The following C2CD2 variants were observed in gnomAD, a reference collection of about 807,000 sequenced individuals.
The protein encoded by C2CD2 is C2 calcium dependent domain containing 2.
Under a neutral mutation model 74.3 loss-of-function variants are expected in C2CD2, and 43 were observed. The ratio of observed to expected loss-of-function variants is 0.58; its 90% CI spans 0.45 to 0.75. The LOEUF (loss-of-function observed/expected upper bound fraction) is 0.75, where lower values mean the gene tolerates loss of function less well. Ranked by LOEUF, C2CD2 falls within the 30% of genes least tolerant of loss-of-function variation. The pLI is 0.00. For missense variants in C2CD2, 801 were observed against 916.3 expected (o/e 0.87, Z 1.63); for synonymous variants, 422 against 390.7 (o/e 1.08, Z -0.94).
In C2CD2 at chr21:41,899,667, C is replaced by A. The variant is rs2064869545; in HGVS notation, c.1561-305G>T. On this transcript the variant is annotated intron_variant, in intron 12 of 13. Transcript: ENST00000380486. The surrounding 1 kb of genome is among the most constrained non-coding windows in gnomAD (Gnocchi z 4.4). ...CGGTGGGAGCGTTTGTGGCAAGCTG[C>A]AGAAATGAGATGCGAGAGAGAGAGC... Among the ~76,000 whole-genome samples, 1 of 152,052 alleles carries A rather than the reference C, an allele frequency of 6.6e-6. No individual in the cohort carries two copies. The highest frequency in any genetic ancestry group is 6.6e-5 in the Admixed American group (1 of 15,266).
chr21:41,922,476 CTTTTT>C (rs34651080), intron 2 of C2CD2, among the ~76,000 whole-genome samples: 1 of 139,428 alleles, frequency 7.2e-6, no homozygotes. Context: ...CCATAGGCAT[CTTTTT>C]TTTTTTTTTT....
rs769431246 is a variant in C2CD2, at chr21:41,918,078, G to T, written c.720+27C>A. The T allele has an allele frequency of 2.5e-6, 4 of 1,613,582 alleles. No individual in the cohort carries two copies. In the Admixed American group the frequency reaches 6.7e-5, roughly 27 times the overall value. On this transcript the variant is annotated intron_variant, in intron 5 of 13. Transcript: ENST00000380486. ...CCATGGTGCCTAACGGGGTTCAGAT[G>T]CACCCACAGCACCCAGATGAGTTTA...
chr21:41,953,028 G>A, intron 1 of C2CD2: 1 of 290,116 alleles, frequency 3.4e-6, no homozygotes, highest in Non-Finnish European at 6.4e-6. Flanking sequence ...GTAAGTGTCC[G>A]ATCGGGCACG....
Position 41,926,327 on chromosome 21 carries a change from CA to C in C2CD2, c.379-4243del. The C allele has an allele frequency of 3.2e-6, 1 of 310,550 alleles. No homozygotes were observed. The highest frequency in any genetic ancestry group is 4.7e-6 in the Non-Finnish European group (1 of 212,938). 19.2% of individuals were successfully genotyped at this position (310,550 alleles called of 1,614,324 possible). On this transcript the variant is annotated intron_variant, in intron 2 of 13. Coordinates refer to ENST00000380486, the MANE Select transcript of C2CD2 (RefSeq NM_015500.2). This position sits in a 1 kb window ranked among gnomAD's most constrained non-coding sequence, Gnocchi z 8.0. The stretch of plus-strand genomic sequence containing the variant: ...AACAGCTTCCTCTCTGTATAAGTGA[CA>C]GAGTGTTTTTCGGAGTGGGGGGCTA...
chr21:41,887,463 C>A lies in C2CD2; in HGVS notation c.*1661G>T, dbSNP rs2064697570. ...TCTCTAAAAAAGAAGAAAAAAAAAT[C>A]CTATAATTTTGGTTTTTATACAGGT... On this transcript the variant is annotated 3_prime_UTR_variant, in exon 14 of 14. Transcript: ENST00000380486. The A allele has an allele frequency of 6.6e-6, 1 of 151,440 alleles. No individual in the cohort carries two copies. Among genetic ancestry groups the A allele is most frequent in the African/African-American group, 2.4e-5 (1 of 41,178 alleles). The allele number at this position is 151,440 out of a possible 1,614,324, so 9.4% of individuals were successfully genotyped here.
At chr21:41,907,612 TA>T in intron 9 of C2CD2, 47 bp downstream of exon 9, 1 of 1,588,276 alleles carries the variant, frequency 6.3e-7, no homozygotes, top group Non-Finnish European at 8.6e-7. Flanking sequence ...GCTCCTTGGG[TA>T]AGTGCCCCAA....
chr21:41,926,319 A>C lies in C2CD2; in HGVS notation c.379-4234T>G. Reference sequence around the variant, plus strand: ...TCCAAATAAACAGCTTCCTCTCTGTATAAGTGACAGAGTGTTTTTCGGAGT... The same window carrying C: ...TCCAAATAAACAGCTTCCTCTCTGTCTAAGTGACAGAGTGTTTTTCGGAGT... On this transcript the variant is annotated intron_variant, in intron 2 of 13. Coordinates refer to ENST00000380486, the MANE Select transcript of C2CD2 (RefSeq NM_015500.2). The surrounding 1 kb of genome is among the most constrained non-coding windows in gnomAD (Gnocchi z 8.0). The C allele has an allele frequency of 3.8e-6, 1 of 265,552 alleles. No individual in the cohort carries two copies. Among genetic ancestry groups the C allele is most frequent in the African/African-American group, 2.3e-5 (1 of 43,764 alleles). The allele number at this position is 265,552 out of a possible 1,614,324, so 16.4% of individuals were successfully genotyped here. A position where few individuals can be genotyped will look rare whatever the true frequency, so the allele number is the denominator to read the frequency against.
At chr21:41,932,104 G>C (rs2065267783) in intron 2 of C2CD2, among the ~76,000 whole-genome samples, 1 of 145,450 alleles carries the variant, frequency 6.9e-6, no homozygotes, top group Non-Finnish European at 1.5e-5. Flanking sequence ...AGGGGCTAGA[G>C]GTCGCATTCA....
rs1031924686 is a variant in C2CD2, at chr21:41,926,903, G to T, written c.379-4818C>A. Among the ~76,000 whole-genome samples the T allele has an allele frequency of 4.6e-5, 7 of 152,158 alleles. No homozygotes were observed. Among genetic ancestry groups the T allele is most frequent in the Admixed American group, 4.6e-4 (7 of 15,276 alleles). ...TCACATTCTGTAACACCCAAGGAAA[G>T]AACTCCCAAATAAAAGGAAGGCAAA... On this transcript the variant is annotated intron_variant, in intron 2 of 13. Coordinates refer to ENST00000380486, the MANE Select transcript of C2CD2 (RefSeq NM_015500.2). This position sits in a 1 kb window ranked among gnomAD's most constrained non-coding sequence, Gnocchi z 8.0.
At chr21:41,936,648 G>C (rs2065309494) in intron 2 of C2CD2, among the ~76,000 whole-genome samples, 1 of 151,674 alleles carries the variant, frequency 6.6e-6, no homozygotes, top group African/African-American at 2.4e-5. Flanking sequence ...CTAATACATA[G>C]ATTTTTTCCC....
intron 13 of C2CD2, among the ~76,000 whole-genome samples, chr21:41,890,203 C>G (rs2064734223): frequency 6.6e-6 from 1 of 152,148 alleles, no homozygotes; most frequent in African/African-American, 2.4e-5. Flanking sequence ...AATTCCAGAT[C>G]CTATCATATT....
chr21:41,931,408 G>A (rs947624587), intron 2 of C2CD2, among the ~76,000 whole-genome samples: 10 of 143,302 alleles, frequency 7.0e-5, no homozygotes, highest in South Asian at 2.3e-4. Flanking sequence ...AGATAAGAGC[G>A]TCTTTTGAGA....
Position 41,892,106 on chromosome 21 carries a change from G to A in C2CD2, c.1871-2762C>T, listed in dbSNP as rs895518291. On this transcript the variant is annotated intron_variant, in intron 13 of 13. Coordinates refer to ENST00000380486, the MANE Select transcript of C2CD2 (RefSeq NM_015500.2). The surrounding 1 kb of genome is among the most constrained non-coding windows in gnomAD (Gnocchi z 4.6). ...TAAAATTAGATCATTGGGGTGGCCC[G>A]TGATCCAATATGCCTGCTGTCCTTA... Among the ~76,000 whole-genome samples, 6 of 152,142 alleles carry A rather than the reference G, an allele frequency of 3.9e-5. No individual in the cohort carries two copies. Among genetic ancestry groups the A allele is most frequent in the African/African-American group, 1.2e-4 (5 of 41,430 alleles).
intron 5 of C2CD2, among the ~76,000 whole-genome samples, chr21:41,917,247 T>C (rs2065102877): frequency 6.6e-6 from 1 of 152,334 alleles, no homozygotes; most frequent in Non-Finnish European, 1.5e-5. Flanking sequence ...AGACTCTACC[T>C]ACTGACAGCT....
Position 41,889,138 on chromosome 21 carries a change from C to G in C2CD2, c.2077G>C (p.Glu693Gln). ...GACCTCAGGCCCTACGTGCAGGGCT[C>G]CACGGGGGCACCGTTCATGGTGTTC... ...NKNTMNGAPV[E>Q]PCT The change falls in exon 14 of 14, where the codon GAG (glutamate) becomes CAG (glutamine). Residue 693 changes from glutamate (E) to glutamine (Q), a missense_variant. Physicochemically the swap from Glu to Gln is conservative, Grantham distance 29 (BLOSUM62 2). Coordinates refer to ENST00000380486, the MANE Select transcript of C2CD2 (RefSeq NM_015500.2). The G allele has an allele frequency of 6.2e-7, 1 of 1,612,174 alleles. No homozygotes were observed. The highest frequency in any genetic ancestry group is 8.5e-7 in the Non-Finnish European group (1 of 1,179,950).
intron 11 of C2CD2, among the ~76,000 whole-genome samples, chr21:41,902,467 T>C (rs2064910953): frequency 1.3e-5 from 2 of 152,178 alleles, no homozygotes; most frequent in Non-Finnish European, 1.5e-5. Context: ...GGTCCTTCCT[T>C]TTATCCCATT....
At chr21:41,915,467 C>T (rs1333358478) in intron 5 of C2CD2, among the ~76,000 whole-genome samples, 1 of 151,162 alleles carries the variant, frequency 6.6e-6, no homozygotes, top group East Asian at 1.9e-4. Context: ...GACAGAGTCT[C>T]GCTCTGTTGT....
intron 1 of C2CD2, among the ~76,000 whole-genome samples, chr21:41,947,141 C>CTCTCTCTCT (rs1569084407): frequency 2.0e-4 from 4 of 20,188 alleles, no homozygotes; most frequent in African/African-American, 9.1e-4. Flanking sequence ...TCTCTCTCTC[C>CTCTCTCTCT]CTCCCTCCCT....
intron 8 of C2CD2, 78 bp downstream of exon 8, chr21:41,909,381 G>A (rs752236091): frequency 6.3e-6 from 6 of 949,088 alleles, no homozygotes; most frequent in Admixed American, 5.2e-5. Context: ...ATCTCCCACC[G>A]CCCTTTTCCT....
Sources: gnomAD v4.1 joint callset for allele counts (sites outside exome capture counted in the v4.1 genomes callset) on GRCh38, gnomAD v4.1.1 for gene constraint, Gnocchi (gnomAD v3.1) non-coding constraint, MANE v1.5 for transcripts, NCBI Gene and HGNC (gene_info 2026-07-23, HGNC 2026-07-21) for gene names.